The following MEGF11 variants were observed in gnomAD, a reference collection of about 807,000 sequenced individuals.
MEGF11 encodes the protein multiple EGF like domains 11, also known as multiple epidermal growth factor-like domains protein 11.
A neutral mutation model predicts 146.6 loss-of-function variants in MEGF11; 126 were observed. That is an observed-to-expected ratio of 0.86 (90% confidence interval 0.74 to 1.00). The LOEUF (loss-of-function observed/expected upper bound fraction) is 1.00, where lower values mean the gene tolerates loss of function less well. MEGF11 is among the 50% of genes least tolerant of loss of function. The probability of loss-of-function intolerance (pLI) is 0.00; values close to 1 mark genes in which losing one functional copy is unlikely to be tolerated. For synonymous variants in MEGF11, 532 were observed against 583.4 expected, an observed-to-expected ratio of 0.91 and a Z score of 1.27; for missense variants, 1,509 against 1,521.2, an observed-to-expected ratio of 0.99 and a Z score of 0.13.
chr15:65,928,013 C>A lies in MEGF11; in HGVS notation c.1675+412G>T, dbSNP rs142188161. ...AGATGCGGGATGGTACCCAGCAGAC[C>A]GTGTGGTGGCAGTGGGATGGAGAGA... On this transcript the variant is annotated intron_variant, in intron 13 of 25. Coordinates refer to ENST00000395614, the MANE Select transcript of MEGF11 (RefSeq NM_001385028.1). 3.1e-4 allele frequency among the ~76,000 whole-genome samples: 47 copies of A among 152,210 alleles called. 2 individuals carry two copies. Among genetic ancestry groups the A allele is most frequent in the African/African-American group, 1.0e-3 (42 of 41,544 alleles).
intron 21 of MEGF11, among the ~76,000 whole-genome samples, chr15:65,910,794 C>T (rs970745180): frequency 1.3e-5 from 2 of 152,146 alleles, no homozygotes; most frequent in African/African-American, 2.4e-5. Flanking sequence ...AGGGCATAGC[C>T]GTGGACTATG....
At chr15:66,089,474 G>A (rs1194042761) in intron 5 of MEGF11, among the ~76,000 whole-genome samples, 1 of 152,156 alleles carries the variant, frequency 6.6e-6, no homozygotes, top group Non-Finnish European at 1.5e-5. Context: ...CCTTCTGGAG[G>A]GCAGGCTCAG....
At chr15:66,040,896 C>T (rs994421166) in intron 5 of MEGF11, among the ~76,000 whole-genome samples, 8 of 146,960 alleles carry the variant, frequency 5.4e-5, no homozygotes, top group African/African-American at 1.8e-4. Flanking sequence ...AGATTCGTAT[C>T]CACTCAGAGG....
intron 5 of MEGF11, among the ~76,000 whole-genome samples, chr15:66,063,859 T>A (rs2085007447): frequency 1.3e-5 from 2 of 152,246 alleles, no homozygotes. Context: ...TGGGAGCATG[T>A]ACTTCTTAAG....
chr15:65,929,601 A>C, intron 12 of MEGF11, 119 bp downstream of exon 12: 2 of 1,227,100 alleles, frequency 1.6e-6, no homozygotes, highest in Non-Finnish European at 2.2e-6. Context: ...CCTAAATCCA[A>C]GTGTCCCATC....
At chr15:66,173,554 T>C (rs1383622301) in intron 1 of MEGF11, among the ~76,000 whole-genome samples, 1 of 152,174 alleles carries the variant, frequency 6.6e-6, no homozygotes, top group African/African-American at 2.4e-5. Context: ...TGACCTCAGG[T>C]GATCCACTTG....
At chr15:66,095,353 T>G (rs1184517143) in intron 4 of MEGF11, among the ~76,000 whole-genome samples, 1 of 152,230 alleles carries the variant, frequency 6.6e-6, no homozygotes, top group Non-Finnish European at 1.5e-5. Context: ...AAAGCCCCCA[T>G]GTGCCACCTC....
At chr15:66,169,330 C>T (rs1002934012) in intron 1 of MEGF11, among the ~76,000 whole-genome samples, 5 of 152,226 alleles carry the variant, frequency 3.3e-5, no homozygotes, top group African/African-American at 4.8e-5. Flanking sequence ...TCCGACCCTC[C>T]ACCGTCTGCC....
chr15:66,131,705 A>G (rs2088652972), intron 1 of MEGF11, among the ~76,000 whole-genome samples: 1 of 152,222 alleles, frequency 6.6e-6, no homozygotes, highest in South Asian at 2.1e-4. Context: ...CCAAGGGTGA[A>G]TAAGCTCAGG....
At chr15:66,072,882 G>A (rs7164067) in intron 5 of MEGF11, among the ~76,000 whole-genome samples, 75,978 of 152,126 alleles carry the variant, frequency 0.5, 20,124 homozygotes, top group Non-Finnish European at 0.59. Flanking sequence ...GCAAGGCCCC[G>A]GTCTCTGCCT....
intron 10 of MEGF11, among the ~76,000 whole-genome samples, chr15:65,953,775 A>G (rs1453613794): frequency 6.6e-6 from 1 of 151,448 alleles, no homozygotes; most frequent in Non-Finnish European, 1.5e-5. Context: ...CCCAAGCAGG[A>G]CCTGCTTCTG....
intron 10 of MEGF11, among the ~76,000 whole-genome samples, chr15:65,950,584 GACACACACACAC>G (rs57977250): frequency 1.4e-4 from 21 of 148,942 alleles, no homozygotes; most frequent in African/African-American, 2.7e-4. Context: ...TAGACACACA[GACACACACACAC>G]ACACACACAC....
intron 1 of MEGF11, among the ~76,000 whole-genome samples, chr15:66,239,567 T>C (rs1278177818): frequency 2.0e-5 from 3 of 152,190 alleles, no homozygotes; most frequent in Non-Finnish European, 4.4e-5. Context: ...TCACCTACTT[T>C]CTGGGTGGAG....
At chr15:66,123,841 G>T in intron 3 of MEGF11, 58 bp downstream of exon 3, 1 of 1,431,422 alleles carries the variant, frequency 7.0e-7, no homozygotes, top group Non-Finnish European at 9.9e-7. Context: ...TTGCACAGAG[G>T]CAAGCCCTGA....
chr15:66,186,940 AT>A (rs1489937842), intron 1 of MEGF11, among the ~76,000 whole-genome samples: 2 of 152,166 alleles, frequency 1.3e-5, no homozygotes, highest in African/African-American at 4.8e-5. Flanking sequence ...CCTATCTACA[AT>A]TTTGTCTTAG....
chr15:65,960,030 A>G (rs1325014271), intron 9 of MEGF11, among the ~76,000 whole-genome samples: 2 of 152,250 alleles, frequency 1.3e-5, no homozygotes, highest in African/African-American at 4.8e-5. Flanking sequence ...GTTTAATGAT[A>G]TAAGGTCAAG....
chr15:66,111,182 C>A (rs1042969765), intron 4 of MEGF11, among the ~76,000 whole-genome samples: 10 of 152,330 alleles, frequency 6.6e-5, no homozygotes, highest in African/African-American at 2.2e-4. Flanking sequence ...GTCTACTGAG[C>A]AGATGATATA....
At position 66,123,869 on chromosome 15, in the gene MEGF11, C is replaced by T. The variant is rs762144242; in HGVS notation, c.200+30G>A. 3 of 1,585,468 alleles carry T rather than the reference C, an allele frequency of 1.9e-6. No homozygotes were observed. In the East Asian group the frequency reaches 6.7e-5, roughly 35 times the overall value. On this transcript the variant is annotated intron_variant, in intron 3 of 25. Coordinates refer to ENST00000395614, the MANE Select transcript of MEGF11 (RefSeq NM_001385028.1). ...AGCCCTGAGAGCCCAGTGCCTTTTC[C>T]CTGCCCCATCATCTGAGAGAGGTAC... is the stretch of plus-strand genomic sequence containing the variant.
intron 5 of MEGF11, among the ~76,000 whole-genome samples, chr15:66,063,045 T>G (rs1325000797): frequency 6.6e-6 from 1 of 152,240 alleles, no homozygotes; most frequent in African/African-American, 2.4e-5. Flanking sequence ...AGGTCAGGTA[T>G]GTGTATTCTG....
Sources: gnomAD v4.1 joint callset for allele counts (sites outside exome capture counted in the v4.1 genomes callset) on GRCh38, gnomAD v4.1.1 for gene constraint, MANE v1.5 for transcripts, NCBI Gene and HGNC (gene_info 2026-07-23, HGNC 2026-07-21) for gene names.